GRIK3: variants seen among roughly 807,000 people sequenced by gnomAD.
GRIK3 encodes glutamate receptor ionotropic, kainate 3.
GRIK3 carries 29 observed loss-of-function variants against 102.5 expected under a neutral mutation model. The ratio of observed to expected loss-of-function variants is 0.28; its 90% CI spans 0.21 to 0.39. GRIK3 has a LOEUF of 0.39. Ranked by LOEUF, GRIK3 falls within the 10% of genes least tolerant of loss-of-function variation. GRIK3 has a pLI of 1.00. For missense variants in GRIK3, 908 were observed against 1,252.4 expected, an observed-to-expected ratio of 0.73 and a Z score of 4.15; for synonymous variants, 511 against 504.9, an observed-to-expected ratio of 1.01 and a Z score of -0.16.
intron 1 of GRIK3, among the ~76,000 whole-genome samples, chr1:36,998,652 G>A (rs1315049397): frequency 6.6e-6 from 1 of 152,190 alleles, no homozygotes; most frequent in Non-Finnish European, 1.5e-5. Flanking sequence ...TTGTGCCATG[G>A]GGTTATCATC....
chr1:37,009,606 A>ATG (rs142546190), intron 1 of GRIK3, among the ~76,000 whole-genome samples: 2 of 151,906 alleles, frequency 1.3e-5, no homozygotes, highest in Admixed American at 1.3e-4. Context: ...GTGTGTGTGT[A>ATG]TGTGTGTGTG....
intron 9 of GRIK3, among the ~76,000 whole-genome samples, chr1:36,843,771 C>T (rs1356931163): frequency 6.6e-6 from 1 of 152,228 alleles, no homozygotes; most frequent in African/African-American, 2.4e-5. Context: ...CGTCCCCAGA[C>T]CTGCCTCAGC....
intron 9 of GRIK3, 34 bp from the exon 10 acceptor site, chr1:36,841,973 C>G (rs775280964): frequency 8.3e-6 from 13 of 1,569,292 alleles, no homozygotes; most frequent in Non-Finnish European, 1.1e-5. Flanking sequence ...GTGACGAAGA[C>G]TGAGCAGCTA....
chr1:36,830,363 C>T (rs1640245230), intron 10 of GRIK3, among the ~76,000 whole-genome samples: 1 of 149,132 alleles, frequency 6.7e-6, no homozygotes, highest in Non-Finnish European at 1.5e-5. Context: ...ATTATGCCCC[C>T]CCACCCCCAA....
At chr1:36,820,808 T>C (rs1158224003) in intron 11 of GRIK3, among the ~76,000 whole-genome samples, 4 of 152,206 alleles carry the variant, frequency 2.6e-5, no homozygotes, top group Admixed American at 2.0e-4. Flanking sequence ...CAAATATATA[T>C]ATGACAGGGA....
chr1:37,002,585 C>A (rs1223013950), intron 1 of GRIK3, among the ~76,000 whole-genome samples: 1 of 152,060 alleles, frequency 6.6e-6, no homozygotes, highest in East Asian at 1.9e-4. Flanking sequence ...CTTCAGGTGA[C>A]ATGGAGAAAC....
At chr1:37,031,118 A>T (rs1459356005) in intron 1 of GRIK3, among the ~76,000 whole-genome samples, 1 of 152,254 alleles carries the variant, frequency 6.6e-6, no homozygotes, top group Non-Finnish European at 1.5e-5. Context: ...CACCCAAACA[A>T]TAATAACGAC....
At chr1:36,856,405 C>T (rs916996042) in intron 7 of GRIK3, among the ~76,000 whole-genome samples, 2 of 152,242 alleles carry the variant, frequency 1.3e-5, no homozygotes, top group African/African-American at 4.8e-5. Flanking sequence ...CTCTAGCCAC[C>T]GCTCAGGACT....
chr1:36,878,844 T>A (rs1640936294), intron 3 of GRIK3, among the ~76,000 whole-genome samples: 4 of 152,182 alleles, frequency 2.6e-5, no homozygotes, highest in Admixed American at 2.6e-4. Flanking sequence ...GAGATTTACA[T>A]GAAATGAAAT....
rs534886450 is a variant in GRIK3 at position 36,833,586 on chromosome 1, G to A, written c.1531-7760C>T. Among the ~76,000 whole-genome samples, 69 of 152,352 alleles carry A rather than the reference G, an allele frequency of 4.5e-4. 1 individual carries two copies. The South Asian group carries it at 0.013, about 29-fold the overall frequency. ...CAGGCTGGGGCAATGGGATTGGGCGGAACCATCCCTGGCATTGCAGACAGA... is the reference window on the plus strand; with the variant it reads ...CAGGCTGGGGCAATGGGATTGGGCGAAACCATCCCTGGCATTGCAGACAGA... On this transcript the variant is annotated intron_variant, in intron 10 of 15. Transcript: ENST00000373091.
Position 36,965,197 on chromosome 1 carries a change from T to C in GRIK3, c.115+68797A>G, listed in dbSNP as rs117733549. Among the ~76,000 whole-genome samples the C allele has an allele frequency of 6.6e-3, 1,012 of 152,312 alleles. 23 individuals carry two copies. Among genetic ancestry groups the C allele is most frequent in the East Asian group, 0.05 (261 of 5,190 alleles). ...CCTGTCAAATGAACGAGTTGAATTA[T>C]ACGGTACCCAAAGTCCTCGCGGGCT... is the stretch of plus-strand genomic sequence containing the variant. On this transcript the variant is annotated intron_variant, in intron 1 of 15. Coordinates refer to ENST00000373091, the MANE Select transcript of GRIK3 (RefSeq NM_000831.4).
rs947214183 is a variant in GRIK3 at position 36,850,130 on chromosome 1, G to T, written c.1326+181C>A. The T allele has an allele frequency of 2.8e-5, 16 of 580,762 alleles. No individual in the cohort carries two copies. The highest frequency in any genetic ancestry group is 4.2e-5 in the South Asian group (2 of 47,910). The allele number at this position is 580,762 out of a possible 1,614,324, so 36.0% of individuals were successfully genotyped here. On this transcript the variant is annotated intron_variant, in intron 9 of 15. Transcript: ENST00000373091. This position sits in a 1 kb window ranked among gnomAD's most constrained non-coding sequence, Gnocchi z 4.0. Reference sequence around the variant, plus strand: ...AAAAACGCAGCGGCTTCCGCCCGTGGCAGCGAGCAGCGCTGCTGCGCTCCA... The same window carrying T: ...AAAAACGCAGCGGCTTCCGCCCGTGTCAGCGAGCAGCGCTGCTGCGCTCCA...
intron 10 of GRIK3, among the ~76,000 whole-genome samples, chr1:36,833,984 G>A (rs753268069): frequency 6.6e-6 from 1 of 152,204 alleles, no homozygotes; most frequent in African/African-American, 2.4e-5. Flanking sequence ...ACTCCCCACT[G>A]CTCTCTGATC....
At chr1:36,992,857 A>ACGTT (rs1342006625) in intron 1 of GRIK3, among the ~76,000 whole-genome samples, 1 of 152,158 alleles carries the variant, frequency 6.6e-6, no homozygotes, top group African/African-American at 2.4e-5. Context: ...CAAAAAGGCT[A>ACGTT]CTGAACCAGG....
chr1:36,884,406 C>A (rs1413594633), intron 2 of GRIK3, among the ~76,000 whole-genome samples: 1 of 152,204 alleles, frequency 6.6e-6, no homozygotes, highest in African/African-American at 2.4e-5. Context: ...ACCCTCACTG[C>A]CCATTCGTGC....
rs188967009 is a variant in GRIK3, at chr1:37,031,950, G to A, written c.115+2044C>T. Among the ~76,000 whole-genome samples the A allele has an allele frequency of 2.0e-3, 303 of 152,318 alleles. 1 individual carries two copies. The highest frequency in any genetic ancestry group is 6.9e-3 in the African/African-American group (285 of 41,570). On this transcript the variant is annotated intron_variant, in intron 1 of 15. Coordinates refer to ENST00000373091, the MANE Select transcript of GRIK3 (RefSeq NM_000831.4). ...AAACTGGCACAGCTCTGGCAGTCAC[G>A]TTTGGCGCAGGCACAACACCCCAGT...
At chr1:36,972,441 C>A (rs1262293035) in intron 1 of GRIK3, among the ~76,000 whole-genome samples, 3 of 152,222 alleles carry the variant, frequency 2.0e-5, no homozygotes, top group Admixed American at 2.0e-4. Flanking sequence ...GTAATATGAT[C>A]TTGTCCCTGA....
intron 1 of GRIK3, among the ~76,000 whole-genome samples, chr1:36,992,584 A>T (rs1642374198): frequency 6.6e-6 from 1 of 152,168 alleles, no homozygotes. Context: ...CATGGCTAAG[A>T]TGTAGAGAGG....
At chr1:37,009,074 GTAA>G (rs67140478) in intron 1 of GRIK3, among the ~76,000 whole-genome samples, 40,428 of 148,980 alleles carry the variant, frequency 0.27, 5,808 homozygotes, top group African/African-American at 0.35. Flanking sequence ...AAATGGAGAT[GTAA>G]TAATAATAAT....
Sources: allele counts gnomAD v4.1 joint callset (sites outside exome capture counted in the v4.1 genomes callset), GRCh38; gene constraint gnomAD v4.1.1; non-coding constraint Gnocchi (gnomAD v3.1); transcripts MANE v1.5; gene names NCBI Gene and HGNC (gene_info 2026-07-23, HGNC 2026-07-21).